SPPL2B: variants seen among roughly 807,000 people sequenced by gnomAD.
The protein encoded by SPPL2B is signal peptide peptidase-like 2B.
Under a neutral mutation model 59.7 loss-of-function variants are expected in SPPL2B, and 39 were observed. The observed-to-expected ratio is 0.65, with a 90% confidence interval of 0.51 to 0.85. The LOEUF is 0.85. Ranked by LOEUF, SPPL2B falls within the 40% of genes least tolerant of loss-of-function variation. The pLI is 0.00. For synonymous variants in SPPL2B, 419 were observed against 370.8 expected (o/e 1.13, Z -1.49); for missense variants, 865 against 849.0 (o/e 1.02, Z -0.23).
At chr19:2,347,274 GCA>G (rs1312284661) in intron 13 of SPPL2B, among the ~76,000 whole-genome samples, 4 of 78,060 alleles carry the variant, frequency 5.1e-5, no homozygotes, top group Admixed American at 1.4e-4. Context: ...ACACACTCAC[GCA>G]CTCTCATTCG....
Position 2,349,737 on chromosome 19 carries a change from C to G in SPPL2B, c.1355-1697C>G, listed in dbSNP as rs371239015. Among the ~76,000 whole-genome samples, 6 of 139,124 alleles carry G rather than the reference C, an allele frequency of 4.3e-5. 1 individual carries two copies. The highest frequency in any genetic ancestry group is 1.8e-4 in the African/African-American group (6 of 34,118). The allele number at this position is 139,124 out of a possible 152,430, so 91.3% of individuals were successfully genotyped here. A position where few individuals can be genotyped will look rare whatever the true frequency, so the allele number is the denominator to read the frequency against. On this transcript the variant is annotated intron_variant, in intron 13 of 14. Transcript: ENST00000613503. ...GTGTTCTCATTCGCTTGATTCCGTT[C>G]TCTCTCTCCACACACATGCGCTCTC...
intron 13 of SPPL2B, among the ~76,000 whole-genome samples, chr19:2,348,386 C>T (rs1430913319): frequency 1.7e-5 from 1 of 57,840 alleles, no homozygotes; most frequent in Non-Finnish European, 3.2e-5. Flanking sequence ...CCGTTCTCTC[C>T]CTCCACACAC....
chr19:2,335,959 G>A (rs568592778), intron 2 of SPPL2B, among the ~76,000 whole-genome samples: 1 of 150,398 alleles, frequency 6.6e-6, no homozygotes, highest in Admixed American at 6.6e-5. Context: ...ATGTGCCTGA[G>A]TGTTTTTTTG....
chr19:2,337,905 G>A (rs1482980926), intron 3 of SPPL2B: 2 of 396,788 alleles, frequency 5.0e-6, no homozygotes, highest in African/African-American at 4.1e-5. Context: ...GCCCCCAGGG[G>A]TGACGGAGAC....
intron 7 of SPPL2B, chr19:2,340,648 C>G (rs923595730): frequency 8.8e-6 from 5 of 567,632 alleles, no homozygotes; most frequent in South Asian, 2.1e-5. Context: ...GGGCCTCGGG[C>G]GAAGGGGCGC....
chr19:2,342,477 C>G (rs111716881), intron 8 of SPPL2B: 2,665 of 152,368 alleles, frequency 0.017, 52 homozygotes, highest in African/African-American at 0.05. Context: ...ATGACAAAAC[C>G]CCATCTCTAC....
rs1970022841 is a variant in SPPL2B, at chr19:2,353,106, T to TGGGGGCTGGAGCCCCCATGCG, written c.1679_1699dup (p.Gly560_Arg566dup). ...CCAAAATCACGCACGTCCGAGGAGA[T>TGGGGGCTGGAGCCCCCATGCG]GGGGGCTGGAGCCCCCATGCGGGAG... is the stretch of plus-strand genomic sequence containing the variant. On this transcript the variant is annotated inframe_insertion, in exon 15 of 15. Transcript: ENST00000613503. 1.2e-6 allele frequency: 2 copies of TGGGGGCTGGAGCCCCCATGCG among 1,610,690 alleles called. No individual in the cohort carries two copies. The highest frequency in any genetic ancestry group is 2.7e-5 in the African/African-American group (2 of 74,746).
chr19:2,351,153 G>A (rs1007156998), intron 13 of SPPL2B, among the ~76,000 whole-genome samples: 1 of 152,124 alleles, frequency 6.6e-6, no homozygotes, highest in Non-Finnish European at 1.5e-5. Flanking sequence ...GCAGCTGCCC[G>A]GACCCTGCCC....
chr19:2,343,368 GC>G (rs1181744865), intron 9 of SPPL2B, 76 bp downstream of exon 9: 5 of 1,251,516 alleles, frequency 4.0e-6, no homozygotes, highest in Non-Finnish European at 5.7e-6. Flanking sequence ...CCCGTGTGGG[GC>G]TGTGGTCCTT....
chr19:2,334,494 G>A, intron 1 of SPPL2B, 108 bp from the exon 2 acceptor site: 1 of 1,434,146 alleles, frequency 7.0e-7, no homozygotes, highest in Non-Finnish European at 9.3e-7. Context: ...TGGTGAACAT[G>A]GGCGCCCTTC....
chr19:2,333,900 C>T (rs1466255801), intron 1 of SPPL2B, among the ~76,000 whole-genome samples: 1 of 152,250 alleles, frequency 6.6e-6, no homozygotes, highest in Non-Finnish European at 1.5e-5. Context: ...GGGAACATGA[C>T]GCTGTCTGTC....
At chr19:2,338,431 G>A in intron 3 of SPPL2B, 1 of 226,138 alleles carries the variant, frequency 4.4e-6, no homozygotes, top group Non-Finnish European at 8.7e-6. Context: ...GGCTTAGTGG[G>A]CAGGCATGGG....
intron 1 of SPPL2B, among the ~76,000 whole-genome samples, chr19:2,331,926 G>A (rs960322330): frequency 6.6e-6 from 1 of 152,242 alleles, no homozygotes; most frequent in Admixed American, 6.5e-5. Context: ...GGGCCGGACT[G>A]TGGATTCTTG....
intron 13 of SPPL2B, among the ~76,000 whole-genome samples, chr19:2,346,436 T>G (rs1969376034): frequency 6.6e-6 from 1 of 152,196 alleles, no homozygotes; most frequent in African/African-American, 2.4e-5. Flanking sequence ...GAGGCTGAAG[T>G]GGGAGGATTG....
intron 1 of SPPL2B, among the ~76,000 whole-genome samples, chr19:2,331,624 ATGTGCTTT>A (rs1425399227): frequency 6.6e-6 from 1 of 152,208 alleles, no homozygotes; most frequent in Non-Finnish European, 1.5e-5. Flanking sequence ...AAATGCATGA[ATGTGCTTT>A]TGTGCTTTTA....
Position 2,339,222 on chromosome 19 carries a change from C to G in SPPL2B, c.599+14C>G. 6.3e-7 allele frequency: 1 copy of G among 1,599,544 alleles called. No homozygotes were observed. The highest frequency in any genetic ancestry group is 8.5e-7 in the Non-Finnish European group (1 of 1,173,494). ...GGACGTGAAGAAGTGAGTTTCGCATCGTGCGTGTGCTGTGACGGGGTCGGG... is the reference window on the plus strand; with the variant it reads ...GGACGTGAAGAAGTGAGTTTCGCATGGTGCGTGTGCTGTGACGGGGTCGGG... On this transcript the variant is annotated intron_variant, in intron 5 of 14. Transcript: ENST00000613503.
intron 2 of SPPL2B, 37 bp from the exon 3 acceptor site, chr19:2,337,406 C>T (rs375938131): frequency 2.6e-6 from 4 of 1,544,638 alleles, no homozygotes; most frequent in Non-Finnish European, 2.6e-6. Flanking sequence ...TGGTGACTCA[C>T]ATCACGTGAG....
chr19:2,344,610 C>A lies in SPPL2B; in HGVS notation c.1234C>A (p.Arg412=). The stretch of plus-strand genomic sequence containing the variant: ...CTCCTCACCTCTGGCCCTGTGTGAC[C>A]GGCCCTTCTCCCTCCTGGGTTTCGG... The part of the protein sequence containing the change: ...LNSSPLALCD[R]PFSLLGFGDI... Residue 412 remains arginine, a synonymous_variant, in exon 12 of 15, where the codon CGG becomes AGG. Coordinates refer to ENST00000613503, the MANE Select transcript of SPPL2B (RefSeq NM_152988.3). 6.2e-7 allele frequency: 1 copy of A among 1,613,126 alleles called. No homozygotes were observed. The highest frequency in any genetic ancestry group is 8.5e-7 in the Non-Finnish European group (1 of 1,179,582).
At chr19:2,328,855 A>C in intron 1 of SPPL2B, 80 bp downstream of exon 1, 26 of 1,199,992 alleles carry the variant, frequency 2.2e-5, no homozygotes, top group South Asian at 2.0e-4. Flanking sequence ...CGCAGGAACG[A>C]CCCCGCTCGG....
Sources: gnomAD v4.1 joint callset for allele counts (sites outside exome capture counted in the v4.1 genomes callset) on GRCh38, gnomAD v4.1.1 for gene constraint, MANE v1.5 for transcripts, NCBI Gene and HGNC (gene_info 2026-07-23, HGNC 2026-07-21) for gene names.